TEKT5: variants seen among roughly 807,000 people sequenced by gnomAD.
TEKT5 encodes the protein tektin-5.
TEKT5 carries 52 observed loss-of-function variants against 48.7 expected under a neutral mutation model. The ratio of observed to expected loss-of-function variants is 1.07; its 90% confidence interval spans 0.86 to 1.35. The LOEUF is 1.35. Among genes scored for constraint, TEKT5 ranks in the 40% most tolerant of loss-of-function variants. The pLI is 0.00. For synonymous variants in TEKT5, 318 were observed against 267.6 expected, an observed-to-expected ratio of 1.19 and a Z score of -1.84; for missense variants, 831 against 641.6, an observed-to-expected ratio of 1.30 and a Z score of -3.19.
intron 1 of TEKT5, among the ~76,000 whole-genome samples, chr16:10,692,089 TG>T (rs1898990501): frequency 6.6e-6 from 1 of 152,004 alleles, no homozygotes; most frequent in Admixed American, 6.6e-5. Context: ...GCCTGGATTG[TG>T]GGGGCAGCCT....
rs1596426149 is a variant in TEKT5 at position 10,694,473 on chromosome 16, T to C, written c.401A>G (p.Gln134Arg). 7 of 1,614,064 alleles carry C rather than the reference T, an allele frequency of 4.3e-6. No individual in the cohort carries two copies. Among genetic ancestry groups the C allele is most frequent in the Non-Finnish European group, 5.9e-6 (7 of 1,179,992 alleles). ...QDKDQLTHQM[Q>R]EGTCRNLGQR... ...GCCCAGGTTCCGGCAGGTGCCCTCC[T>C]GCATCTGGTGCGTCAGCTGGTCCTT... The change falls in exon 1 of 7, where the codon CAG (glutamine) becomes CGG (arginine). Residue 134 changes from glutamine to arginine, a missense_variant. Physicochemically the swap from Gln to Arg is conservative, Grantham distance 43. Transcript: ENST00000283025.
rs191316623 is a variant in TEKT5 at position 10,630,756 on chromosome 16, C to T, written c.1242-2957G>A. Among the ~76,000 whole-genome samples, 296 of 152,282 alleles carry T rather than the reference C, an allele frequency of 1.9e-3. 1 individual carries two copies. Among genetic ancestry groups the T allele is most frequent in the African/African-American group, 6.7e-3 (278 of 41,558 alleles). On this transcript the variant is annotated intron_variant, in intron 6 of 6. Coordinates refer to ENST00000283025, the MANE Select transcript of TEKT5 (RefSeq NM_144674.2). ...AATTTTGGCTAGGCGTGGTGACTCA[C>T]ACTTGTAATCCCAGCACTTTGGGAG... is the stretch of plus-strand genomic sequence containing the variant.
At position 10,681,980 on chromosome 16, in the gene TEKT5, G is replaced by A; in HGVS notation, c.863+13C>T. Reference sequence around the variant, plus strand: ...GACACGCCAGGGATGGGGAGGGGGAGTCTGATACTTACGTGCCGTCAATTT... The same window carrying A: ...GACACGCCAGGGATGGGGAGGGGGAATCTGATACTTACGTGCCGTCAATTT... On this transcript the variant is annotated intron_variant, in intron 4 of 6. Coordinates refer to ENST00000283025, the MANE Select transcript of TEKT5 (RefSeq NM_144674.2). 1 of 1,613,350 alleles carries A rather than the reference G, an allele frequency of 6.2e-7. No homozygotes were observed. The highest frequency in any genetic ancestry group is 8.5e-7 in the Non-Finnish European group (1 of 1,179,456).
Position 10,681,057 on chromosome 16 carries a change from A to AC in TEKT5, c.863+935_863+936insG, listed in dbSNP as rs1194987677. 2.0e-5 allele frequency among the ~76,000 whole-genome samples: 3 copies of AC among 150,550 alleles called. No homozygotes were observed. The East Asian group carries it at 5.8e-4, about 29-fold the overall frequency. On this transcript the variant is annotated intron_variant, in intron 4 of 6. Coordinates refer to ENST00000283025, the MANE Select transcript of TEKT5 (RefSeq NM_144674.2). The stretch of plus-strand genomic sequence containing the variant: ...AGAAAAATACCAAAAAAAAAAAAAA[A>AC]ACCTCACAATGCTGTGATATGCCCA...
intron 6 of TEKT5, among the ~76,000 whole-genome samples, chr16:10,629,667 G>A (rs966686934): frequency 6.6e-6 from 1 of 152,234 alleles, no homozygotes; most frequent in African/African-American, 2.4e-5. Flanking sequence ...AGTGTTGGCT[G>A]CTAATGGCTC....
At chr16:10,637,911 A>C (rs550711293) in intron 5 of TEKT5, among the ~76,000 whole-genome samples, 1 of 152,306 alleles carries the variant, frequency 6.6e-6, no homozygotes, top group Non-Finnish European at 1.5e-5. Context: ...CCAGGGCTCA[A>C]ATGATCTTCC....
rs1405728697 is a variant in TEKT5, at chr16:10,689,930, G to C, written c.648+12C>G. 3 of 1,613,746 alleles carry C rather than the reference G, an allele frequency of 1.9e-6. No individual in the cohort carries two copies. Among genetic ancestry groups the C allele is most frequent in the East Asian group, 2.2e-5 (1 of 44,876 alleles). On this transcript the variant is annotated intron_variant, in intron 2 of 6. Coordinates refer to ENST00000283025, the MANE Select transcript of TEKT5 (RefSeq NM_144674.2). ...CCTTCAGGGGGCTGGGCAGAACCAG[G>C]AGATGCCTTACCCGGATAAGGTTTT...
intron 5 of TEKT5, among the ~76,000 whole-genome samples, chr16:10,669,679 T>C (rs1898521824): frequency 6.6e-6 from 1 of 152,182 alleles, no homozygotes; most frequent in African/African-American, 2.4e-5. Flanking sequence ...GAAGTATCCC[T>C]GACCCCACAC....
chr16:10,638,097 C>G (rs114576832), intron 5 of TEKT5, among the ~76,000 whole-genome samples: 2 of 152,190 alleles, frequency 1.3e-5, no homozygotes, highest in African/African-American at 4.8e-5. Flanking sequence ...CAGGTGTGAC[C>G]CACAGCACCT....
chr16:10,673,646 ATT>A (rs60322821), intron 5 of TEKT5, among the ~76,000 whole-genome samples: 12,494 of 105,258 alleles, frequency 0.12, 448 homozygotes, highest in African/African-American at 0.16. Context: ...CACCCATTCT[ATT>A]TTTTTTTTTT....
chr16:10,664,092 TCTTAACA>T (rs1240372524), intron 5 of TEKT5, among the ~76,000 whole-genome samples: 4 of 152,214 alleles, frequency 2.6e-5, no homozygotes, highest in Non-Finnish European at 5.9e-5. Flanking sequence ...AGGGCCTCCT[TCTTAACA>T]CTTATTACCA....
rs73507941 is a variant in TEKT5, at chr16:10,633,494, T to C, written c.1241+2270A>G. 4.2e-3 allele frequency among the ~76,000 whole-genome samples: 646 copies of C among 152,226 alleles called. 10 individuals are homozygous for C. Among genetic ancestry groups the C allele is most frequent in the African/African-American group, 0.015 (618 of 41,506 alleles). On this transcript the variant is annotated intron_variant, in intron 6 of 6. Transcript: ENST00000283025. ...CAGCAGAGCCCAGCCCCCACTCTCC[T>C]GCACCCAGGACCTAGACCCTATCCA...
chr16:10,673,144 A>C (rs1010138568), intron 5 of TEKT5, among the ~76,000 whole-genome samples: 7 of 152,200 alleles, frequency 4.6e-5, no homozygotes, highest in African/African-American at 1.7e-4. Context: ...CAATGAAAAC[A>C]CAGTCTCAGA....
chr16:10,659,007 G>A (rs570589199), intron 5 of TEKT5, among the ~76,000 whole-genome samples: 4 of 152,238 alleles, frequency 2.6e-5, no homozygotes, highest in South Asian at 2.1e-4. Flanking sequence ...TGTGAGCCAC[G>A]GTGCCCAGTC....
At chr16:10,671,008 G>A (rs990957213) in intron 5 of TEKT5, among the ~76,000 whole-genome samples, 3 of 152,046 alleles carry the variant, frequency 2.0e-5, no homozygotes, top group Non-Finnish European at 4.4e-5. Context: ...GGGCTCAAGG[G>A]ATCCTCACTA....
chr16:10,666,682 C>A (rs1242034687), intron 5 of TEKT5, among the ~76,000 whole-genome samples: 4 of 152,348 alleles, frequency 2.6e-5, no homozygotes, highest in African/African-American at 9.6e-5. Context: ...TACTGAGTGT[C>A]TGCATGGGTG....
rs1458760331 is a variant in TEKT5, at chr16:10,636,564, G to A, written c.1087-646C>T. 4.6e-5 allele frequency among the ~76,000 whole-genome samples: 7 copies of A among 151,912 alleles called. No homozygotes were observed. The South Asian group carries it at 1.0e-3, about 23-fold the overall frequency. ...AGTAAGGGAGTGAGGGAGAAGAAGA[G>A]GGAGAGGAAGGGAAGGAGGAAGGCA... On this transcript the variant is annotated intron_variant, in intron 5 of 6. Transcript: ENST00000283025.
intron 5 of TEKT5, among the ~76,000 whole-genome samples, chr16:10,648,727 C>G (rs2719757): frequency 6.6e-6 from 1 of 152,166 alleles, no homozygotes; most frequent in South Asian, 2.1e-4. Flanking sequence ...TGAGGCCCCA[C>G]GTGGTGCCAG....
At position 10,667,709 on chromosome 16, in the gene TEKT5, T is replaced by C. The variant is rs539644468; in HGVS notation, c.1086+8250A>G. Among the ~76,000 whole-genome samples the C allele has an allele frequency of 2.6e-5, 4 of 152,314 alleles. No individual in the cohort carries two copies. In the East Asian group the frequency reaches 7.7e-4, roughly 29 times the overall value. ...CGTCATCATATTTCCCATATCCACA[T>C]ACCATCTACATAATCATTTAATATT... On this transcript the variant is annotated intron_variant, in intron 5 of 6. Coordinates refer to ENST00000283025, the MANE Select transcript of TEKT5 (RefSeq NM_144674.2).
Sources: allele counts gnomAD v4.1 joint callset (sites outside exome capture counted in the v4.1 genomes callset), GRCh38; gene constraint gnomAD v4.1.1; transcripts MANE v1.5; gene names NCBI Gene and HGNC (gene_info 2026-07-23, HGNC 2026-07-21).